Variants in CACNA1D observed in about 807,000 individuals in gnomAD.
CACNA1D encodes the protein calcium voltage-gated channel subunit alpha1 D.
A neutral mutation model predicts 257.1 loss-of-function variants in CACNA1D; 55 were observed. That is an observed-to-expected ratio of 0.21 (90% confidence interval 0.17 to 0.27). CACNA1D has a LOEUF of 0.27. Ranked by LOEUF, CACNA1D falls within the 10% of genes least tolerant of loss-of-function variation. The pLI, the probability that CACNA1D is intolerant of heterozygous loss-of-function variation, is 1.00. For missense variants in CACNA1D, 1,876 were observed against 2,784.0 expected (o/e 0.67, Z 7.34); for synonymous variants, 980 against 1,014.9 (o/e 0.97, Z 0.65).
intron 28 of CACNA1D, among the ~76,000 whole-genome samples, chr3:53,752,745 T>G (rs745607928): frequency 5.9e-5 from 9 of 152,176 alleles, no homozygotes; most frequent in Non-Finnish European, 1.2e-4. Flanking sequence ...CACTCAATGT[T>G]GGAAAACAAA....
intron 14 of CACNA1D, 31 bp from the exon 15 acceptor site, chr3:53,726,848 C>T (rs376157233): frequency 5.6e-6 from 9 of 1,614,120 alleles, no homozygotes; most frequent in Non-Finnish European, 6.8e-6. Context: ...TGTGAATCCA[C>T]CTGCTGGCTG....
At chr3:53,630,834 C>T (rs2093814181) in intron 3 of CACNA1D, among the ~76,000 whole-genome samples, 1 of 152,130 alleles carries the variant, frequency 6.6e-6, no homozygotes, top group South Asian at 2.1e-4. Context: ...CAAATATTTG[C>T]AGTAAAGTGA....
At chr3:53,714,030 C>T (rs2094792042) in intron 9 of CACNA1D, among the ~76,000 whole-genome samples, 1 of 152,218 alleles carries the variant, frequency 6.6e-6, no homozygotes, top group South Asian at 2.1e-4. Flanking sequence ...AGGCAAATTG[C>T]AGTGCCAGCA....
rs1486084346 is a variant in CACNA1D, at chr3:53,803,579, T to A, written c.5585+7T>A. On this transcript the variant is annotated splice_region_variant and intron_variant, in intron 44 of 47. Coordinates refer to ENST00000350061, the MANE Select transcript of CACNA1D (RefSeq NM_001128840.3). The stretch of plus-strand genomic sequence containing the variant: ...GCTCGCCCACCTGGAGCAGGTGAGC[T>A]GCTCTGGCTCCTGTGGAGAGCGGGA... 1 of 1,613,564 alleles carries A rather than the reference T, an allele frequency of 6.2e-7. No individual in the cohort carries two copies. The highest frequency in any genetic ancestry group is 8.5e-7 in the Non-Finnish European group (1 of 1,179,790).
chr3:53,593,558 G>A (rs902834704), intron 3 of CACNA1D, among the ~76,000 whole-genome samples: 7 of 152,246 alleles, frequency 4.6e-5, no homozygotes, highest in African/African-American at 1.7e-4. Flanking sequence ...GGTGATGGGA[G>A]TGTTGGTTGA....
chr3:53,629,187 GGC>G (rs1233462447), intron 3 of CACNA1D, among the ~76,000 whole-genome samples: 1 of 152,248 alleles, frequency 6.6e-6, no homozygotes, highest in African/African-American at 2.4e-5. Flanking sequence ...GTGGACCAGA[GGC>G]CATAATTTGC....
chr3:53,731,127 T>C lies in CACNA1D; in HGVS notation c.2387T>C (p.Ile796Thr), dbSNP rs2094987691. ...AACAACAAACCAGAAGTCAACCAGA[T>C]AGCCAACAGTGACAACAAGGTATGT... ...KKNNKPEVNQIANSDNKVTID... is the reference protein window; with the variant it reads ...KKNNKPEVNQTANSDNKVTID... The change falls in exon 17 of 48, where the codon ATA becomes ACA. Residue 796 changes from isoleucine to threonine, a missense_variant. Ile to Thr is a moderately conservative substitution (Grantham distance 89). Coordinates refer to ENST00000350061, the MANE Select transcript of CACNA1D (RefSeq NM_001128840.3). The C allele has an allele frequency of 6.2e-7, 1 of 1,610,080 alleles. No individual in the cohort carries two copies. The highest frequency in any genetic ancestry group is 8.5e-7 in the Non-Finnish European group (1 of 1,176,408).
At chr3:53,711,294 TG>T (rs1256671021) in intron 9 of CACNA1D, among the ~76,000 whole-genome samples, 1 of 152,152 alleles carries the variant, frequency 6.6e-6, no homozygotes, top group African/African-American at 2.4e-5. Context: ...TGCAAAGATT[TG>T]GGGGCACTTG....
chr3:53,570,682 A>G (rs1209274410), intron 3 of CACNA1D, among the ~76,000 whole-genome samples: 1 of 152,264 alleles, frequency 6.6e-6, no homozygotes, highest in Admixed American at 6.5e-5. Flanking sequence ...GTGCCCAAAC[A>G]TACGGACTCT....
intron 5 of CACNA1D, 37 bp from the exon 6 acceptor site, chr3:53,665,623 C>T: frequency 3.8e-6 from 6 of 1,582,836 alleles, no homozygotes; most frequent in Non-Finnish European, 5.2e-6. Flanking sequence ...GGAGTGCCTT[C>T]CTGGCTCACA....
rs569146245 is a variant in CACNA1D, at chr3:53,695,820, G to A, written c.1221-6821G>A. On this transcript the variant is annotated intron_variant, in intron 8 of 47. Transcript: ENST00000350061. ...CTTCTTATTTTCATTTTCTGTTCAC[G>A]CATAACACCTGTGAAAGCTGATAGG... Among the ~76,000 whole-genome samples the A allele has an allele frequency of 6.6e-5, 10 of 152,180 alleles. No homozygotes were observed. In the South Asian group the frequency reaches 1.7e-3, roughly 25 times the overall value.
chr3:53,708,591 T>A (rs1186015317), intron 9 of CACNA1D, among the ~76,000 whole-genome samples: 1 of 152,216 alleles, frequency 6.6e-6, no homozygotes, highest in Non-Finnish European at 1.5e-5. Context: ...TAAGAGCTGA[T>A]GGGAGCTGGA....
chr3:53,691,904 T>TA lies in CACNA1D; in HGVS notation c.1221-10736dup, dbSNP rs1267590644. On this transcript the variant is annotated intron_variant, in intron 8 of 47. Transcript: ENST00000350061. ...TAATATATATTATATATATTACATA[T>TA]ATTATATATAATATATATTATATAT... Among the ~76,000 whole-genome samples the TA allele has an allele frequency of 1.2e-3, 41 of 33,714 alleles. No individual in the cohort carries two copies. The South Asian group carries it at 0.014, about 11-fold the overall frequency. 22.1% of individuals were successfully genotyped at this position (33,714 alleles called of 152,430 possible).
intron 38 of CACNA1D, 134 bp from the exon 39 acceptor site, chr3:53,781,432 G>A (rs1448554056): frequency 1.4e-6 from 1 of 697,912 alleles, no homozygotes; most frequent in African/African-American, 1.8e-5. Context: ...ACTGGGGAGA[G>A]CCTGGTGGGA....
chr3:53,677,472 T>C (rs1044120244), intron 8 of CACNA1D, among the ~76,000 whole-genome samples: 2 of 152,132 alleles, frequency 1.3e-5, no homozygotes, highest in African/African-American at 4.8e-5. Context: ...ACATAAAGGG[T>C]TTTTCTAATT....
chr3:53,716,558 C>T (rs1049061845), intron 9 of CACNA1D, among the ~76,000 whole-genome samples: 3 of 140,002 alleles, frequency 2.1e-5, no homozygotes, highest in Non-Finnish European at 3.0e-5. Flanking sequence ...TGATTAGAGT[C>T]GTATTTTTTG....
intron 8 of CACNA1D, among the ~76,000 whole-genome samples, chr3:53,689,280 C>G (rs1406604275): frequency 6.7e-6 from 1 of 149,838 alleles, no homozygotes; most frequent in Non-Finnish European, 1.5e-5. Flanking sequence ...CCAGGGTGCT[C>G]CGTGCTGGCT....
intron 39 of CACNA1D, among the ~76,000 whole-genome samples, chr3:53,783,772 CCCATGT>C (rs1024375900): frequency 2.0e-4 from 31 of 152,344 alleles, no homozygotes; most frequent in African/African-American, 7.2e-4. Context: ...CTTCAGTAGG[CCCATGT>C]CCCCAACCTT....
intron 3 of CACNA1D, among the ~76,000 whole-genome samples, chr3:53,567,716 A>G (rs2092871112): frequency 6.6e-6 from 1 of 152,286 alleles, no homozygotes; most frequent in African/African-American, 2.4e-5. Flanking sequence ...GAATATTTTC[A>G]TTAATAAATA....
Sources: allele counts gnomAD v4.1 joint callset (sites outside exome capture counted in the v4.1 genomes callset), GRCh38; gene constraint gnomAD v4.1.1; transcripts MANE v1.5; gene names NCBI Gene and HGNC (gene_info 2026-07-23, HGNC 2026-07-21).